The following SULT1A2 variants were observed in gnomAD, a reference collection of about 807,000 sequenced individuals.
The protein encoded by SULT1A2 is sulfotransferase 1A2.
Under a neutral mutation model 36.0 loss-of-function variants are expected in SULT1A2, and 33 were observed. The ratio of observed to expected loss-of-function variants is 0.92; its 90% confidence interval spans 0.69 to 1.22. SULT1A2 has a LOEUF of 1.22. Ranked by LOEUF, SULT1A2 falls within the 50% of genes most tolerant of loss-of-function variation. The probability of loss-of-function intolerance (pLI) is 0.00; values close to 1 mark genes in which losing one functional copy is unlikely to be tolerated. For synonymous variants in SULT1A2, 138 were observed against 144.5 expected, an observed-to-expected ratio of 0.96 and a Z score of 0.32; for missense variants, 367 against 383.2, an observed-to-expected ratio of 0.96 and a Z score of 0.35.
chr16:28,592,820 A>C (rs2047010758), intron 6 of SULT1A2, among the ~76,000 whole-genome samples: 1 of 152,184 alleles, frequency 6.6e-6, no homozygotes, highest in African/African-American at 2.4e-5. Flanking sequence ...ACCTGAGCTC[A>C]GGAGATGGAG....
intron 4 of SULT1A2, 48 bp downstream of exon 4, chr16:28,595,319 T>G: frequency 6.2e-7 from 1 of 1,606,950 alleles, no homozygotes. Context: ...CACCTCAGCC[T>G]CCCAAAGTAC....
At chr16:28,593,218 G>C (rs1450719802) in intron 6 of SULT1A2, 34 bp downstream of exon 6, 2 of 1,611,850 alleles carry the variant, frequency 1.2e-6, no homozygotes, top group Admixed American at 1.7e-5. Flanking sequence ...GCCCCCAGGT[G>C]TCACGTGGAG....
At chr16:28,594,770 CTTT>C (rs1033591115) in intron 4 of SULT1A2, among the ~76,000 whole-genome samples, 30 of 53,838 alleles carry the variant, frequency 5.6e-4, no homozygotes, top group African/African-American at 1.9e-3. Flanking sequence ...CCACCTGCCG[CTTT>C]TTTTTTTTTT....
chr16:28,596,280 C>A (rs1403199646), intron 1 of SULT1A2: 2 of 1,233,706 alleles, frequency 1.6e-6, no homozygotes, highest in African/African-American at 1.6e-5. Context: ...ACCTCTAGGA[C>A]CTTCCTGTGC....
intron 1 of SULT1A2, chr16:28,596,201 C>A: frequency 7.2e-7 from 1 of 1,390,786 alleles, no homozygotes; most frequent in Non-Finnish European, 9.4e-7. Flanking sequence ...AGTGAAAGCA[C>A]CCTCGTGGCG....
In SULT1A2 at chr16:28,596,927, C is replaced by T; in HGVS notation, c.-5+70G>A. ...AGGGCAGGGATAGCAGAGGCCTCGG[C>T]TTCTGGAATGTTGGAGCCACAAGCT... is the stretch of plus-strand genomic sequence containing the variant. On this transcript the variant is annotated intron_variant, in intron 1 of 7. Coordinates refer to ENST00000335715, the MANE Select transcript of SULT1A2 (RefSeq NM_001054.4). 6 of 1,108,628 alleles carry T rather than the reference C, an allele frequency of 5.4e-6. No homozygotes were observed. In the South Asian group the frequency reaches 9.3e-5, roughly 17 times the overall value. 68.7% of individuals were successfully genotyped at this position (1,108,628 alleles called of 1,614,324 possible).
At chr16:28,592,616 C>T in intron 6 of SULT1A2, 173 bp from the exon 7 acceptor site, 1 of 1,236,836 alleles carries the variant, frequency 8.1e-7, no homozygotes, top group Non-Finnish European at 1.1e-6. Flanking sequence ...TTGCTGTCTG[C>T]CCTGTGATCC....
chr16:28,596,867 GC>G, intron 1 of SULT1A2, 129 bp downstream of exon 1: 1 of 590,058 alleles, frequency 1.7e-6, no homozygotes, highest in South Asian at 2.2e-5. Context: ...ATTCAGGCCG[GC>G]CGGGGTTGTC....
chr16:28,594,111 G>C (rs545923633), intron 4 of SULT1A2, among the ~76,000 whole-genome samples: 46 of 149,368 alleles, frequency 3.1e-4, no homozygotes, highest in African/African-American at 1.1e-3. Context: ...TTTTTTTGGG[G>C]GGGGGGACTC....
chr16:28,594,689 G>A (rs1029667849), intron 4 of SULT1A2, among the ~76,000 whole-genome samples: 5 of 150,378 alleles, frequency 3.3e-5, no homozygotes, highest in African/African-American at 1.2e-4. Flanking sequence ...CTAACCTTGG[G>A]TGATCTGCCC....
chr16:28,592,670 GTCT>G (rs772103220), intron 6 of SULT1A2, among the ~76,000 whole-genome samples: 55 of 152,304 alleles, frequency 3.6e-4, no homozygotes, highest in Non-Finnish European at 5.7e-4. Flanking sequence ...GACTGGGATG[GTCT>G]TCTTCCGTGC....
chr16:28,595,651 A>G lies in SULT1A2; in HGVS notation c.173T>C (p.Leu58Pro). ...KSGTTWVSQI[L>P]DMIYQGGDLE... Reference sequence around the variant, plus strand: ...GTCACCGCCCTGGTAGATCATGTCCAGAATCTGGCTCACCCAGGTGGTGCC... The same window carrying G: ...GTCACCGCCCTGGTAGATCATGTCCGGAATCTGGCTCACCCAGGTGGTGCC... Residue 58 changes from leucine (L) to proline (P), a missense_variant, in exon 3 of 8, where the codon CTG becomes CCG. Leu to Pro is a moderately conservative substitution (Grantham distance 98, BLOSUM62 -3). Coordinates refer to ENST00000335715, the MANE Select transcript of SULT1A2 (RefSeq NM_001054.4). The G allele has an allele frequency of 6.2e-7, 1 of 1,614,160 alleles. No individual in the cohort carries two copies. Among genetic ancestry groups the G allele is most frequent in the East Asian group, 2.2e-5 (1 of 44,872 alleles).
chr16:28,596,338 A>C (rs1596615424), intron 1 of SULT1A2: 1 of 1,126,252 alleles, frequency 8.9e-7, no homozygotes, highest in Non-Finnish European at 1.1e-6. Context: ...TCCTGCTGGG[A>C]CCCCCAGCCT....
At position 28,595,848 on chromosome 16, in the gene SULT1A2, A is replaced by G. The variant is rs765903476; in HGVS notation, c.83T>C (p.Leu28Pro). The G allele has an allele frequency of 6.8e-5, 110 of 1,611,592 alleles. No individual in the cohort carries two copies. The highest frequency in any genetic ancestry group is 9.2e-5 in the Non-Finnish European group (109 of 1,179,430). Residue 28 changes from leucine to proline, a missense_variant, in exon 2 of 8, where the codon CTG (leucine) becomes CCG (proline). By Grantham distance (98) the Leu-to-Pro change is moderately conservative. Coordinates refer to ENST00000335715, the MANE Select transcript of SULT1A2 (RefSeq NM_001054.4). ...VPLIKYFAEALGPLQSFQARP... is the reference protein window; with the variant it reads ...VPLIKYFAEAPGPLQSFQARP... The stretch of plus-strand genomic sequence containing the variant: ...GGCCTGGAAGCTCTGCAGGGGCCCC[A>G]GTGCCTCTGCAAAGTACTTGATGAG...
intron 1 of SULT1A2, 176 bp downstream of exon 1, chr16:28,596,821 G>C (rs2088727): frequency 5.4e-6 from 2 of 367,532 alleles, no homozygotes; most frequent in Non-Finnish European, 9.7e-6. Flanking sequence ...AGCAAGACCT[G>C]GCCTCCCCGG....
At chr16:28,593,184 T>C in intron 6 of SULT1A2, 68 bp downstream of exon 6, 2 of 1,603,686 alleles carry the variant, frequency 1.2e-6, no homozygotes, top group Non-Finnish European at 1.7e-6. Flanking sequence ...CTGGGTGGCC[T>C]TGGCAGGTCC....
In SULT1A2 at chr16:28,592,387, C is replaced by T; in HGVS notation, c.651G>A (p.Glu217=). 6.2e-7 allele frequency: 1 copy of T among 1,613,936 alleles called. No individual in the cohort carries two copies. Among genetic ancestry groups the T allele is most frequent in the South Asian group, 1.1e-5 (1 of 91,076 alleles). ...GCTCAACCATGAGGTCCACAGTCTC[C>T]TCTGGCAGGGAGCGCCCCACAAACT... ...ILEFVGRSLP[E]ETVDLMVEHT... The change falls in exon 7 of 8, where the codon GAG becomes GAA. Residue 217 remains glutamate, a synonymous_variant. Coordinates refer to ENST00000335715, the MANE Select transcript of SULT1A2 (RefSeq NM_001054.4).
At chr16:28,592,236 C>A (rs369396787) in intron 7 of SULT1A2, 27 bp downstream of exon 7, 9 of 1,613,982 alleles carry the variant, frequency 5.6e-6, no homozygotes, top group Non-Finnish European at 7.6e-6. Context: ...CCACCTGCTC[C>A]AAACCCCCGT....
intron 1 of SULT1A2, chr16:28,596,269 A>G (rs2047058871): frequency 3.9e-6 from 5 of 1,266,588 alleles, no homozygotes; most frequent in East Asian, 4.2e-5. Context: ...TGCACTGAGG[A>G]ACCTCTAGGA....
Sources: gnomAD v4.1 joint callset for allele counts (sites outside exome capture counted in the v4.1 genomes callset) on GRCh38, gnomAD v4.1.1 for gene constraint, MANE v1.5 for transcripts, NCBI Gene and HGNC (gene_info 2026-07-23, HGNC 2026-07-21) for gene names.